The following DOCK7 variants were observed in gnomAD, a reference collection of about 807,000 sequenced individuals.
The protein encoded by DOCK7 is dedicator of cytokinesis protein 7.
In DOCK7, 138 loss-of-function variants were observed where a neutral mutation model predicts 271.0. That is an observed-to-expected ratio of 0.51 (90% CI 0.44 to 0.59). DOCK7 has a LOEUF of 0.59. DOCK7 is among the 20% of genes least tolerant of loss of function. The pLI is 0.00. For synonymous variants in DOCK7, 823 were observed against 876.1 expected, an observed-to-expected ratio of 0.94 and a Z score of 1.07; for missense variants, 2,066 against 2,592.4, an observed-to-expected ratio of 0.80 and a Z score of 4.41.
intron 1 of DOCK7, among the ~76,000 whole-genome samples, chr1:62,666,601 C>A (rs1015126561): frequency 6.6e-6 from 1 of 152,192 alleles, no homozygotes; most frequent in African/African-American, 2.4e-5. Context: ...AATAAAAAAA[C>A]TCTATCTCTT....
chr1:62,464,098 C>T (rs1645607068), intron 48 of DOCK7, among the ~76,000 whole-genome samples: 1 of 152,020 alleles, frequency 6.6e-6, no homozygotes, highest in Non-Finnish European at 1.5e-5. Flanking sequence ...CTCGCTCTGT[C>T]ACCCAGTCTG....
chr1:62,568,140 C>G (rs1234915992), intron 18 of DOCK7, among the ~76,000 whole-genome samples: 2 of 151,842 alleles, frequency 1.3e-5, no homozygotes, highest in Non-Finnish European at 2.9e-5. Context: ...ACAATTGCTC[C>G]TGAATGACTG....
chr1:62,526,884 T>C (rs1002822327), intron 31 of DOCK7, among the ~76,000 whole-genome samples: 6 of 152,138 alleles, frequency 3.9e-5, no homozygotes, highest in African/African-American at 1.2e-4. Context: ...ATTCTATAGA[T>C]AGAAGTAGGT....
intron 20 of DOCK7, 70 bp downstream of exon 20, chr1:62,558,919 T>G: frequency 7.7e-7 from 1 of 1,296,774 alleles, no homozygotes; most frequent in Non-Finnish European, 1.1e-6. Flanking sequence ...TCATGTTTTT[T>G]TTTTTTAACA....
chr1:62,518,573 CAAAA>C (rs1228634392), intron 31 of DOCK7, among the ~76,000 whole-genome samples: 1 of 98,150 alleles, frequency 1.0e-5, no homozygotes. Context: ...GACTCCATCT[CAAAA>C]AAAAAAAAAA....
At chr1:62,511,176 T>C (rs966255945) in intron 33 of DOCK7, 1 of 152,652 alleles carries the variant, frequency 6.6e-6, no homozygotes, top group African/African-American at 2.4e-5. Flanking sequence ...CTTTTCCTTT[T>C]CTTTTGCTTT....
At chr1:62,543,564 G>T in intron 24 of DOCK7, 92 bp downstream of exon 24, 1 of 882,794 alleles carries the variant, frequency 1.1e-6, no homozygotes, top group Non-Finnish European at 1.8e-6. Context: ...ATTACTGTAA[G>T]TATCTCATAC....
intron 33 of DOCK7, among the ~76,000 whole-genome samples, chr1:62,512,680 T>A (rs1644522539): frequency 1.3e-5 from 2 of 151,708 alleles, no homozygotes; most frequent in South Asian, 4.2e-4. Context: ...GGAGGATCAC[T>A]TGAGCTCAGG....
intron 10 of DOCK7, among the ~76,000 whole-genome samples, chr1:62,632,116 C>T (rs984919280): frequency 6.6e-6 from 1 of 152,108 alleles, no homozygotes; most frequent in Admixed American, 6.6e-5. Flanking sequence ...ATACTCTTTG[C>T]AGATGGGATG....
In DOCK7 at chr1:62,517,356, G is replaced by A. The variant is rs187947655; in HGVS notation, c.3937-3458C>T. ...TCACGCCTGTATCCCAGCACTTCAGGAGGCTGAGGCGGGTGGATCACCTGA... is the reference window on the plus strand; with the variant it reads ...TCACGCCTGTATCCCAGCACTTCAGAAGGCTGAGGCGGGTGGATCACCTGA... On this transcript the variant is annotated intron_variant, in intron 31 of 49. Coordinates refer to ENST00000635253, the MANE Select transcript of DOCK7 (RefSeq NM_001367561.1). Among the ~76,000 whole-genome samples the A allele has an allele frequency of 2.1e-4, 32 of 152,294 alleles. 3 individuals are homozygous for A. The highest frequency in any genetic ancestry group is 1.9e-3 in the Admixed American group (29 of 15,298).
chr1:62,579,695 G>GAAAAAAAAAAAAAAAAAAAAAAAAACAA (rs34924913), intron 16 of DOCK7, among the ~76,000 whole-genome samples: 1 of 63,888 alleles, frequency 1.6e-5, no homozygotes, highest in Non-Finnish European at 2.9e-5. Context: ...GAGTGAGACC[G>GAAAAAAAAAAAAAAAAAAAAAAAAACAA]AAAAAAAAAA....
Position 62,625,405 on chromosome 1 carries a change from C to T in DOCK7, c.1283-4G>A. 5 of 1,565,382 alleles carry T rather than the reference C, an allele frequency of 3.2e-6. No homozygotes were observed. Among genetic ancestry groups the T allele is most frequent in the Non-Finnish European group, 4.3e-6 (5 of 1,159,078 alleles). ...TCTGACCAAGACCCTTTTCGTTCTA[C>T]AAAAGAATTAAAAAAAAAATTCATT... On this transcript the variant is annotated splice_polypyrimidine_tract_variant and splice_region_variant and intron_variant, in intron 11 of 49. Transcript: ENST00000635253.
intron 1 of DOCK7, among the ~76,000 whole-genome samples, chr1:62,676,094 T>C (rs1660523234): frequency 6.6e-6 from 1 of 152,222 alleles, no homozygotes; most frequent in Non-Finnish European, 1.5e-5. Flanking sequence ...TTTATTCCTA[T>C]TGGCACTATT....
At chr1:62,564,423 G>A (rs1188349022) in intron 18 of DOCK7, among the ~76,000 whole-genome samples, 6 of 151,804 alleles carry the variant, frequency 4.0e-5, no homozygotes, top group African/African-American at 1.2e-4. Context: ...TCAACTACAT[G>A]GAAACTGAAC....
intron 33 of DOCK7, 147 bp from the exon 34 acceptor site, chr1:62,510,820 G>T: frequency 7.7e-6 from 4 of 517,940 alleles, no homozygotes; most frequent in South Asian, 7.6e-5. Flanking sequence ...TGACAATGGT[G>T]CTTTTTATTA....
intron 48 of DOCK7, among the ~76,000 whole-genome samples, chr1:62,463,537 AAAAAC>A (rs1469874707): frequency 3.3e-5 from 5 of 152,202 alleles, no homozygotes; most frequent in African/African-American, 9.6e-5. Flanking sequence ...CTTTGTAACT[AAAAAC>A]AAAACAAAAC....
chr1:62,554,364 C>T (rs1400426531), intron 21 of DOCK7, among the ~76,000 whole-genome samples: 6 of 150,180 alleles, frequency 4.0e-5, no homozygotes, highest in East Asian at 2.0e-4. Context: ...CCCAGCTACC[C>T]GAGAGGCTGA....
intron 1 of DOCK7, among the ~76,000 whole-genome samples, chr1:62,684,603 A>G (rs1256640115): frequency 6.6e-6 from 1 of 152,200 alleles, no homozygotes; most frequent in East Asian, 1.9e-4. Context: ...AAGTGCTTTA[A>G]GTGTACACAA....
chr1:62,551,059 G>A (rs1409508530), intron 22 of DOCK7, among the ~76,000 whole-genome samples: 1 of 152,090 alleles, frequency 6.6e-6, no homozygotes, highest in African/African-American at 2.4e-5. Context: ...CAGACATTAA[G>A]CTGGCTAAGG....
Sources: gnomAD v4.1 joint callset for allele counts (sites outside exome capture counted in the v4.1 genomes callset) on GRCh38, gnomAD v4.1.1 for gene constraint, MANE v1.5 for transcripts, NCBI Gene and HGNC (gene_info 2026-07-23, HGNC 2026-07-21) for gene names.